ARHGAP15: variants seen among roughly 807,000 people sequenced by gnomAD.
ARHGAP15 encodes the protein Rho GTPase activating protein 15, also known as rho GTPase-activating protein 15.
A neutral mutation model predicts 63.7 loss-of-function variants in ARHGAP15; 51 were observed. That is an observed-to-expected ratio of 0.80 (90% CI 0.64 to 1.01). The LOEUF is 1.01. Ranked by LOEUF, ARHGAP15 falls within the 50% of genes least tolerant of loss-of-function variation. ARHGAP15 has a pLI of 0.00. For synonymous variants in ARHGAP15, 191 were observed against 193.8 expected, an observed-to-expected ratio of 0.99 and a Z score of 0.12; for missense variants, 560 against 564.6, an observed-to-expected ratio of 0.99 and a Z score of 0.08.
At chr2:143,328,949 A>G (rs1684381010) in intron 6 of ARHGAP15, among the ~76,000 whole-genome samples, 1 of 152,246 alleles carries the variant, frequency 6.6e-6, no homozygotes, top group Non-Finnish European at 1.5e-5. Flanking sequence ...CATGTATCCC[A>G]TAAATATACA....
At chr2:143,261,034 C>T (rs1680689052) in intron 6 of ARHGAP15, among the ~76,000 whole-genome samples, 1 of 152,114 alleles carries the variant, frequency 6.6e-6, no homozygotes, top group African/African-American at 2.4e-5. Context: ...TTTCTAATGG[C>T]TCCATAATAG....
intron 6 of ARHGAP15, among the ~76,000 whole-genome samples, chr2:143,338,909 T>C (rs1363520526): frequency 1.3e-5 from 2 of 152,126 alleles, no homozygotes; most frequent in Non-Finnish European, 2.9e-5. Context: ...TCCCTCACTG[T>C]GTTGATAAAA....
intron 5 of ARHGAP15, among the ~76,000 whole-genome samples, chr2:143,230,768 C>T (rs1693401952): frequency 6.6e-6 from 1 of 152,152 alleles, no homozygotes; most frequent in African/African-American, 2.4e-5. Context: ...CAACGATTGC[C>T]AGGCCTTGAT....
At chr2:143,635,246 T>G (rs1680254559) in intron 12 of ARHGAP15, among the ~76,000 whole-genome samples, 1 of 119,362 alleles carries the variant, frequency 8.4e-6, no homozygotes, top group Non-Finnish European at 1.6e-5. Context: ...AAAGACAGGG[T>G]CTCACTATGT....
At position 143,202,185 on chromosome 2, in the gene ARHGAP15, C is replaced by A; in HGVS notation, c.217C>A (p.Pro73Thr). ...ACAGCATATCTTGAAAGATGTCATT[C>A]CTCCATTGGAACAACTGGTGAGTGT... ...HSQHILKDVI[P>T]PLEQLMVEKE... The change falls in exon 3 of 14, where the codon CCT (proline) becomes ACT (threonine). Residue 73 changes from proline to threonine, a missense_variant. Coordinates refer to ENST00000295095, the MANE Select transcript of ARHGAP15 (RefSeq NM_018460.4). 1.2e-6 allele frequency: 2 copies of A among 1,611,542 alleles called. No individual in the cohort carries two copies. The highest frequency in any genetic ancestry group is 2.2e-5 in the South Asian group (2 of 91,006).
At chr2:143,722,568 T>C (rs938441887) in intron 13 of ARHGAP15, among the ~76,000 whole-genome samples, 1 of 152,210 alleles carries the variant, frequency 6.6e-6, no homozygotes, top group African/African-American at 2.4e-5. Context: ...TCTAAGGTTT[T>C]GCCTTTGCAG....
intron 8 of ARHGAP15, among the ~76,000 whole-genome samples, chr2:143,471,086 G>A (rs905697251): frequency 1.3e-5 from 2 of 148,414 alleles, no homozygotes; most frequent in Non-Finnish European, 3.0e-5. Context: ...ATGTATAAAT[G>A]TATATGATAC....
chr2:143,758,107 T>C (rs1483819506), intron 13 of ARHGAP15, among the ~76,000 whole-genome samples: 2 of 152,036 alleles, frequency 1.3e-5, no homozygotes, highest in Non-Finnish European at 2.9e-5. Context: ...GGTATTTCCA[T>C]ACTATGAAAT....
chr2:143,326,774 G>A (rs879581339), intron 6 of ARHGAP15, among the ~76,000 whole-genome samples: 1 of 152,072 alleles, frequency 6.6e-6, no homozygotes, highest in Non-Finnish European at 1.5e-5. Context: ...CTCAAAATAA[G>A]AGCTATTTAT....
chr2:143,169,722 A>G (rs922013585), intron 2 of ARHGAP15, among the ~76,000 whole-genome samples: 1 of 87,050 alleles, frequency 1.1e-5, no homozygotes, highest in African/African-American at 3.0e-5. Flanking sequence ...TCCAGGTTCA[A>G]TCAGAACTGT....
chr2:143,414,713 C>A (rs368876407), intron 6 of ARHGAP15, among the ~76,000 whole-genome samples: 4 of 152,298 alleles, frequency 2.6e-5, no homozygotes, highest in Admixed American at 6.5e-5. Flanking sequence ...GCAGGTGGAT[C>A]ACTTGAGGTC....
intron 6 of ARHGAP15, among the ~76,000 whole-genome samples, chr2:143,355,909 C>A (rs1211989630): frequency 6.6e-6 from 1 of 152,076 alleles, no homozygotes. Flanking sequence ...TCCAACAATG[C>A]CATTTAAATA....
intron 6 of ARHGAP15, among the ~76,000 whole-genome samples, chr2:143,398,375 G>A (rs138365046): frequency 1.3e-5 from 2 of 152,054 alleles, no homozygotes; most frequent in South Asian, 2.1e-4. Context: ...TGCTAACTCC[G>A]CTTGTTGTAA....
chr2:143,394,612 C>A (rs1475939514), intron 6 of ARHGAP15, among the ~76,000 whole-genome samples: 1 of 152,118 alleles, frequency 6.6e-6, no homozygotes, highest in African/African-American at 2.4e-5. Context: ...CTGCGGAAAA[C>A]AACAGAAATT....
At chr2:143,201,455 A>G (rs771169096) in intron 2 of ARHGAP15, among the ~76,000 whole-genome samples, 3 of 152,068 alleles carry the variant, frequency 2.0e-5, no homozygotes, top group Non-Finnish European at 2.9e-5. Flanking sequence ...TAATCAAATC[A>G]GGGTAATTGG....
At chr2:143,589,187 C>A (rs546011960) in intron 11 of ARHGAP15, among the ~76,000 whole-genome samples, 1 of 152,122 alleles carries the variant, frequency 6.6e-6, no homozygotes, top group Non-Finnish European at 1.5e-5. Context: ...ATTTTCATTG[C>A]CTAAATATAT....
At chr2:143,754,377 T>TC (rs1326249755) in intron 13 of ARHGAP15, among the ~76,000 whole-genome samples, 1 of 152,160 alleles carries the variant, frequency 6.6e-6, no homozygotes, top group East Asian at 1.9e-4. Context: ...ATCTAGTTTT[T>TC]CCCACCTCTG....
chr2:143,536,179 A>T (rs1694749140), intron 10 of ARHGAP15, among the ~76,000 whole-genome samples: 1 of 152,108 alleles, frequency 6.6e-6, no homozygotes, highest in African/African-American at 2.4e-5. Flanking sequence ...GTATCCTTTG[A>T]CCAACATTTT....
intron 11 of ARHGAP15, among the ~76,000 whole-genome samples, chr2:143,588,258 C>T (rs1697186003): frequency 6.6e-6 from 1 of 152,076 alleles, no homozygotes; most frequent in Admixed American, 6.6e-5. Flanking sequence ...TATGTATTTG[C>T]CTTTTCCTAA....
Sources: gnomAD v4.1 joint callset for allele counts (sites outside exome capture counted in the v4.1 genomes callset) on GRCh38, gnomAD v4.1.1 for gene constraint, MANE v1.5 for transcripts, NCBI Gene and HGNC (gene_info 2026-07-23, HGNC 2026-07-21) for gene names.